Variants in COL4A6 observed in about 807,000 individuals in gnomAD.
The protein encoded by COL4A6 is collagen type IV alpha 6 chain.
Under a neutral mutation model 126.7 loss-of-function variants are expected in COL4A6, and 59 were observed. The observed-to-expected ratio is 0.47, with a 90% CI of 0.38 to 0.58. The LOEUF is 0.58. COL4A6 is among the 20% of genes least tolerant of loss of function. The pLI, the probability that COL4A6 is intolerant of heterozygous loss-of-function variation, is 0.00. For synonymous variants in COL4A6, 547 were observed against 496.6 expected (o/e 1.10, Z -1.35); for missense variants, 1,285 against 1,337.3 (o/e 0.96, Z 0.61).
intron 2 of COL4A6, among the ~76,000 whole-genome samples, chrX:108,403,652 A>G (rs1266732316): frequency 3.6e-5 from 4 of 111,027 alleles, no homozygotes; most frequent in African/African-American, 1.3e-4. Context: ...AGTAACTCAT[A>G]TTTGTCTCTT....
At chrX:108,249,040 T>A (rs1347160476) in intron 3 of COL4A6, among the ~76,000 whole-genome samples, 4 of 110,026 alleles carry the variant, frequency 3.6e-5, no homozygotes, top group African/African-American at 1.3e-4. Context: ...AGCTCAGGAC[T>A]CTCACTGATT....
intron 2 of COL4A6, chrX:108,383,851 A>T (rs2040620720): frequency 1.0e-5 from 5 of 492,557 alleles, no homozygotes. Context: ...TGCAAGTCAC[A>T]TGCATGATAT....
chrX:108,205,323 A>G, intron 11 of COL4A6, 116 bp downstream of exon 11: 2 of 611,764 alleles, frequency 3.3e-6, no homozygotes, highest in Non-Finnish European at 5.5e-6. Flanking sequence ...GTTGGGAAAT[A>G]TTCATTTCCC....
chrX:108,387,715 C>T (rs1245323133), intron 2 of COL4A6, among the ~76,000 whole-genome samples: 1 of 111,791 alleles, frequency 8.9e-6, no homozygotes, highest in African/African-American at 3.3e-5. Context: ...ATTTCTTTCT[C>T]TTGCCTGATT....
chrX:108,187,785 A>G, intron 22 of COL4A6, 63 bp downstream of exon 22: 1 of 1,059,260 alleles, frequency 9.4e-7, no homozygotes, highest in Admixed American at 2.4e-5. Flanking sequence ...TGGCCATCAG[A>G]CCCCCCAACA....
At chrX:108,267,927 C>A (rs2037353375) in intron 3 of COL4A6, 1 of 112,565 alleles carries the variant, frequency 8.9e-6, no homozygotes, top group African/African-American at 3.2e-5. Context: ...TAATAGTTTT[C>A]TTTTTATACT....
rs1203642910 is a variant in COL4A6 at position 108,205,420 on chromosome X, T to C, written c.687+19A>G. 2 of 1,172,874 alleles carry C rather than the reference T, an allele frequency of 1.7e-6. No individual in the cohort carries two copies. The highest frequency in any genetic ancestry group is 2.3e-6 in the Non-Finnish European group (2 of 860,319). On this transcript the variant is annotated intron_variant, in intron 11 of 44. Transcript: ENST00000334504. Reference sequence around the variant, plus strand: ...TGCAGCATATGGAAGGCAGACTGTATTTTTTAAAAGCTGTTTACCTTGACT... The same window carrying C: ...TGCAGCATATGGAAGGCAGACTGTACTTTTTAAAAGCTGTTTACCTTGACT...
At chrX:108,299,148 C>A (rs1485900336) in intron 3 of COL4A6, among the ~76,000 whole-genome samples, 1 of 111,415 alleles carries the variant, frequency 9.0e-6, no homozygotes, top group Non-Finnish European at 1.9e-5. Context: ...TGTGGATATG[C>A]AGGTTTAAGC....
At chrX:108,233,670 C>A (rs764717393) in intron 3 of COL4A6, among the ~76,000 whole-genome samples, 1 of 111,745 alleles carries the variant, frequency 8.9e-6, no homozygotes, top group Admixed American at 9.5e-5. Context: ...TAAAGGGATA[C>A]ACATTCCACT....
intron 44 of COL4A6, among the ~76,000 whole-genome samples, chrX:108,158,403 A>G (rs1160139962): frequency 8.9e-6 from 1 of 112,682 alleles, no homozygotes; most frequent in East Asian, 2.8e-4. Context: ...ATATTCTAGT[A>G]TGTTAGAATT....
At chrX:108,263,519 C>T (rs747059871) in intron 3 of COL4A6, among the ~76,000 whole-genome samples, 33 of 111,930 alleles carry the variant, frequency 2.9e-4, no homozygotes, top group Non-Finnish European at 5.3e-4. Context: ...TACCCCCATA[C>T]TTCCAAATTA....
At chrX:108,388,908 T>C (rs1426657515) in intron 2 of COL4A6, among the ~76,000 whole-genome samples, 1 of 112,036 alleles carries the variant, frequency 8.9e-6, no homozygotes, top group Non-Finnish European at 1.9e-5. Context: ...GATTCTGGTA[T>C]GTTGTGTCTT....
At chrX:108,381,391 C>A (rs1275616801) in intron 2 of COL4A6, among the ~76,000 whole-genome samples, 4 of 111,847 alleles carry the variant, frequency 3.6e-5, no homozygotes, top group Non-Finnish European at 7.5e-5. Flanking sequence ...TTAAAAGAAG[C>A]TGAGAAATAT....
intron 2 of COL4A6, among the ~76,000 whole-genome samples, chrX:108,413,941 T>C (rs1346431122): frequency 8.9e-6 from 1 of 112,191 alleles, no homozygotes; most frequent in Non-Finnish European, 1.9e-5. Flanking sequence ...TCTCCTCATG[T>C]CATTTGTTAC....
At chrX:108,426,688 C>A (rs1212001094) in intron 2 of COL4A6, among the ~76,000 whole-genome samples, 1 of 111,839 alleles carries the variant, frequency 8.9e-6, no homozygotes, top group Admixed American at 9.5e-5. Context: ...AAATTGTCAC[C>A]CAAGTGGCCT....
intron 2 of COL4A6, among the ~76,000 whole-genome samples, chrX:108,395,132 C>G (rs1334626606): frequency 9.0e-6 from 1 of 111,458 alleles, no homozygotes; most frequent in East Asian, 2.8e-4. Context: ...TCCACCCCAA[C>G]CAATTTACTA....
intron 2 of COL4A6, among the ~76,000 whole-genome samples, chrX:108,421,101 T>C (rs1193526236): frequency 2.7e-5 from 3 of 112,253 alleles, no homozygotes; most frequent in East Asian, 2.8e-4. Context: ...CTAGTAGTTA[T>C]AAGGCTGCTA....
chrX:108,244,172 T>C (rs1288699604), intron 3 of COL4A6, among the ~76,000 whole-genome samples: 1 of 108,973 alleles, frequency 9.2e-6, no homozygotes, highest in East Asian at 2.9e-4. Flanking sequence ...CACTCTTCTC[T>C]GATCACACCA....
At chrX:108,397,374 T>C (rs2040989053) in intron 2 of COL4A6, among the ~76,000 whole-genome samples, 1 of 111,425 alleles carries the variant, frequency 9.0e-6, no homozygotes, top group Non-Finnish European at 1.9e-5. Flanking sequence ...CAATCAACAA[T>C]TGTTAATGTC....
Sources: gnomAD v4.1 joint callset for allele counts (sites outside exome capture counted in the v4.1 genomes callset) on GRCh38, gnomAD v4.1.1 for gene constraint, MANE v1.5 for transcripts, NCBI Gene and HGNC (gene_info 2026-07-23, HGNC 2026-07-21) for gene names.